Variants in FATE1 observed in about 807,000 individuals in gnomAD.
FATE1 encodes fetal and adult testis expressed 1.
A neutral mutation model predicts 16.0 loss-of-function variants in FATE1; 18 were observed. The observed-to-expected ratio is 1.12, with a 90% CI of 0.78 to 1.66. The LOEUF (loss-of-function observed/expected upper bound fraction) is 1.66. FATE1 is among the 40% of genes most tolerant of loss of function. FATE1 has a pLI of 0.00. For missense variants in FATE1, 169 were observed against 152.7 expected, an observed-to-expected ratio of 1.11 and a Z score of -0.56; for synonymous variants, 76 against 56.9, an observed-to-expected ratio of 1.34 and a Z score of -1.51.
At chrX:151,722,496 G>A in intron 4 of FATE1, 132 bp from the exon 5 acceptor site, 8 of 970,602 alleles carry the variant, frequency 8.2e-6, no homozygotes, top group South Asian at 2.2e-5. Flanking sequence ...TCTCACTAGG[G>A]GCGCTCCCCG....
At position 151,721,401 on chromosome X, in the gene FATE1, C is replaced by T; in HGVS notation, c.241C>T (p.Gln81Ter). The change falls in exon 3 of 5, where the codon CAG becomes TAG. Residue 81 changes from glutamine (Q) to a stop codon, truncating the protein, a stop_gained. Coordinates refer to ENST00000370350, the MANE Select transcript of FATE1 (RefSeq NM_033085.3). LOFTEE classifies it high-confidence loss of function. ...TATRPKKMGS[Q>*]LPKPRMLRES... ...TGACCATTCCTTTCTTCAGGGGTCC[C>T]AGCTGCCAAAGCCCAGAATGCTGAG... 8.3e-7 allele frequency: 1 copy of T among 1,211,791 alleles called. No homozygotes were observed. Among genetic ancestry groups the T allele is most frequent in the Non-Finnish European group, 1.1e-6 (1 of 895,097 alleles).
In FATE1 at chrX:151,722,624, G is replaced by A. The variant is rs2015127573; in HGVS notation, c.421-4G>A. 1 of 1,211,314 alleles carries A rather than the reference G, an allele frequency of 8.3e-7. No individual in the cohort carries two copies. On this transcript the variant is annotated splice_region_variant and splice_polypyrimidine_tract_variant and intron_variant, in intron 4 of 4. Transcript: ENST00000370350. ...CAGCAGCCCTGCCTTTGACTCCTCTGCAGCTGTATGCAGTCAACCGGCGTC... is the reference window on the plus strand; with the variant it reads ...CAGCAGCCCTGCCTTTGACTCCTCTACAGCTGTATGCAGTCAACCGGCGTC...
In FATE1 at chrX:151,721,995, C is replaced by G; in HGVS notation, c.420+14C>G. 3.3e-6 allele frequency: 4 copies of G among 1,199,935 alleles called. No individual in the cohort carries two copies. The highest frequency in any genetic ancestry group is 3.4e-6 in the Non-Finnish European group (3 of 885,947). ...ATGAGAAGACAGGTGAGGAGGGACC[C>G]AATCGGTGGGTGCAAGCAGAATCAC... is the stretch of plus-strand genomic sequence containing the variant. On this transcript the variant is annotated intron_variant, in intron 4 of 4. Coordinates refer to ENST00000370350, the MANE Select transcript of FATE1 (RefSeq NM_033085.3).
At chrX:151,722,606 C>A in intron 4 of FATE1, 22 bp from the exon 5 acceptor site, 2 of 1,211,990 alleles carry the variant, frequency 1.7e-6, no homozygotes, top group Non-Finnish European at 2.2e-6. Flanking sequence ...GCTCAGCAGC[C>A]CTGCCTTTGA....
At chrX:151,716,517 T>C (rs1045385065) in intron 1 of FATE1, among the ~76,000 whole-genome samples, 2 of 111,423 alleles carry the variant, frequency 1.8e-5, no homozygotes, top group African/African-American at 3.3e-5. Flanking sequence ...CTCAGAGGGC[T>C]CAAATTATGA....
At chrX:151,721,588 G>T in intron 3 of FATE1, 87 bp downstream of exon 3, 2 of 822,040 alleles carry the variant, frequency 2.4e-6, no homozygotes, top group East Asian at 3.2e-5. Context: ...GGCCAGGATG[G>T]AGTCATGAGG....
Position 151,721,996 on chromosome X carries a change from A to T in FATE1, c.420+15A>T. The T allele has an allele frequency of 5.8e-6, 7 of 1,198,127 alleles. No homozygotes were observed. Among genetic ancestry groups the T allele is most frequent in the Non-Finnish European group, 7.9e-6 (7 of 884,203 alleles). ...TGAGAAGACAGGTGAGGAGGGACCC[A>T]ATCGGTGGGTGCAAGCAGAATCACA... On this transcript the variant is annotated intron_variant, in intron 4 of 4. Coordinates refer to ENST00000370350, the MANE Select transcript of FATE1 (RefSeq NM_033085.3).
chrX:151,722,909 C>G lies in FATE1; in HGVS notation c.*150C>G. On this transcript the variant is annotated 3_prime_UTR_variant, in exon 5 of 5. Coordinates refer to ENST00000370350, the MANE Select transcript of FATE1 (RefSeq NM_033085.3). ...TTTTCAACTCTGGTTAGGCCTCCTA[C>G]CTGGGGAGGCCAGGTCACTGCACTG... The G allele has an allele frequency of 1.4e-6, 1 of 730,052 alleles. No homozygotes were observed. The allele number at this position is 730,052 out of a possible 1,213,427, so 60.2% of individuals were successfully genotyped here.
intron 2 of FATE1, among the ~76,000 whole-genome samples, chrX:151,721,155 T>C (rs1306121834): frequency 2.7e-5 from 3 of 112,380 alleles, no homozygotes; most frequent in Non-Finnish European, 5.6e-5. Context: ...CTGCTCCTCT[T>C]TTGCCACAGC....
intron 4 of FATE1, 62 bp from the exon 5 acceptor site, chrX:151,722,566 C>G: frequency 8.3e-7 from 1 of 1,203,443 alleles, no homozygotes. Context: ...TTTCCCATGG[C>G]TGTGCTGTGG....
chrX:151,717,384 C>A lies in FATE1; in HGVS notation c.219C>A (p.Thr73=). The change falls in exon 2 of 5, where the codon ACC becomes ACA. Residue 73 remains threonine, a synonymous_variant. Coordinates refer to ENST00000370350, the MANE Select transcript of FATE1 (RefSeq NM_033085.3). Reference sequence around the variant, plus strand: ...AACGAGTTTGGAATATGACTGCCACCCGACCCAAGAAAATGGTACTGTATG... The same window carrying A: ...AACGAGTTTGGAATATGACTGCCACACGACCCAAGAAAATGGTACTGTATG... The part of the protein sequence containing the change: ...SAKRVWNMTA[T]RPKKMGSQLP... The A allele has an allele frequency of 8.3e-7, 1 of 1,203,029 alleles. No individual in the cohort carries two copies.
intron 2 of FATE1, among the ~76,000 whole-genome samples, chrX:151,718,110 GAGGAAGGAAGGAAGGAAGGAAGGAAGGA>G (rs199990618): frequency 4.3e-4 from 24 of 55,567 alleles, no homozygotes; most frequent in Non-Finnish European, 6.1e-4. Context: ...AAGAGAGAGA[GAGGAAGGAAGGAAGGAAGGAAGGAAGGA>G]AGGAAGGAAG....
At chrX:151,721,015 A>T (rs1208740274) in intron 2 of FATE1, among the ~76,000 whole-genome samples, 1 of 112,656 alleles carries the variant, frequency 8.9e-6, no homozygotes, top group African/African-American at 3.2e-5. Flanking sequence ...TTGGAAAGTA[A>T]AGGCATCTCG....
At chrX:151,722,013 A>G in intron 4 of FATE1, 32 bp downstream of exon 4, 1 of 1,154,963 alleles carries the variant, frequency 8.7e-7, no homozygotes, top group Non-Finnish European at 1.2e-6. Context: ...GGGTGCAAGC[A>G]GAATCACAGT....
At chrX:151,721,671 G>C (rs2015117159) in intron 3 of FATE1, among the ~76,000 whole-genome samples, 170 bp downstream of exon 3, 2 of 112,190 alleles carry the variant, frequency 1.8e-5, no homozygotes, top group Non-Finnish European at 3.8e-5. Context: ...CCAGTGCTCT[G>C]CGGCCTAGCC....
chrX:151,722,678 C>G lies in FATE1; in HGVS notation c.471C>G (p.Thr157=), dbSNP rs747432704. The G allele has an allele frequency of 3.3e-6, 4 of 1,211,936 alleles. No individual in the cohort carries two copies. The highest frequency in any genetic ancestry group is 4.5e-6 in the Non-Finnish European group (4 of 895,155). Residue 157 remains threonine (T), a synonymous_variant, in exon 5 of 5, where the codon ACC becomes ACG. Coordinates refer to ENST00000370350, the MANE Select transcript of FATE1 (RefSeq NM_033085.3). ...RLRALEEQGA[T]WRHRETLIIA... Reference sequence around the variant, plus strand: ...GCGCCCTGGAGGAACAGGGCGCCACCTGGCGCCACAGGGAGACCCTGATCA... The same window carrying G: ...GCGCCCTGGAGGAACAGGGCGCCACGTGGCGCCACAGGGAGACCCTGATCA...
At chrX:151,719,154 A>T (rs55846715) in intron 2 of FATE1, among the ~76,000 whole-genome samples, 10,719 of 111,637 alleles carry the variant, frequency 0.096, 578 homozygotes, top group Non-Finnish European at 0.15. Flanking sequence ...TGAATTTATA[A>T]ATTAAATTTA....
rs1183313425 is a variant in FATE1 at position 151,722,965 on chromosome X, G to A, written c.*206G>A. The A allele has an allele frequency of 2.3e-6, 1 of 438,531 alleles. No homozygotes were observed. Among genetic ancestry groups the A allele is most frequent in the East Asian group, 4.2e-5 (1 of 23,597 alleles). The allele number at this position is 438,531 out of a possible 1,213,427, so 36.1% of individuals were successfully genotyped here. On this transcript the variant is annotated 3_prime_UTR_variant, in exon 5 of 5. Coordinates refer to ENST00000370350, the MANE Select transcript of FATE1 (RefSeq NM_033085.3). ...TCCTGGCTGCTGCGAAGCTGGAGGA[G>A]GACTGCGTGGGCTGAGATGCCACCC...
chrX:151,722,472 C>A (rs180947699), intron 4 of FATE1, among the ~76,000 whole-genome samples, 156 bp from the exon 5 acceptor site: 56 of 113,068 alleles, frequency 5.0e-4, no homozygotes, highest in African/African-American at 1.7e-3. Flanking sequence ...GCGGACCTGG[C>A]CCAGCCTCCT....
Sources: allele counts gnomAD v4.1 joint callset (sites outside exome capture counted in the v4.1 genomes callset), GRCh38; gene constraint gnomAD v4.1.1; transcripts MANE v1.5; gene names NCBI Gene and HGNC (gene_info 2026-07-23, HGNC 2026-07-21).